The following MFHAS1 variants were observed in gnomAD, a reference collection of about 807,000 sequenced individuals.
The protein encoded by MFHAS1 is malignant fibrous histiocytoma-amplified sequence 1.
A neutral mutation model predicts 70.4 loss-of-function variants in MFHAS1; 50 were observed. The observed-to-expected ratio is 0.71, with a 90% CI of 0.57 to 0.90. The LOEUF is 0.90. MFHAS1 is among the 40% of genes least tolerant of loss of function. The pLI is 0.00. For missense variants in MFHAS1, 1,795 were observed against 1,347.6 expected (o/e 1.33, Z -5.20); for synonymous variants, 952 against 620.0 (o/e 1.54, Z -7.96).
At chr8:8,789,595 G>C (rs750105380) in intron 2 of MFHAS1, among the ~76,000 whole-genome samples, 1 of 152,132 alleles carries the variant, frequency 6.6e-6, no homozygotes, top group Non-Finnish European at 1.5e-5. Flanking sequence ...CTGAAGCCAT[G>C]GCATGTTGTA....
intron 1 of MFHAS1, among the ~76,000 whole-genome samples, chr8:8,837,164 C>G (rs1807627830): frequency 6.6e-6 from 1 of 152,174 alleles, no homozygotes; most frequent in South Asian, 2.1e-4. Flanking sequence ...GATGTTCATA[C>G]CACTGCAGTT....
chr8:8,868,477 T>A (rs752130543), intron 1 of MFHAS1, among the ~76,000 whole-genome samples: 2 of 151,412 alleles, frequency 1.3e-5, no homozygotes, highest in Non-Finnish European at 2.9e-5. Flanking sequence ...GCTAATACAC[T>A]GGAACCAGCC....
At chr8:8,875,983 AAG>A (rs1329802338) in intron 1 of MFHAS1, among the ~76,000 whole-genome samples, 1 of 152,188 alleles carries the variant, frequency 6.6e-6, no homozygotes, top group African/African-American at 2.4e-5. Flanking sequence ...CTATGAAGAA[AAG>A]AGTTTTGATC....
At chr8:8,802,937 C>T (rs531481716) in intron 1 of MFHAS1, among the ~76,000 whole-genome samples, 6 of 152,206 alleles carry the variant, frequency 3.9e-5, no homozygotes, top group Admixed American at 6.5e-5. Flanking sequence ...TTGCAAGAGA[C>T]TTACCCAAGG....
intron 1 of MFHAS1, among the ~76,000 whole-genome samples, chr8:8,882,158 A>G (rs1809550591): frequency 6.6e-6 from 1 of 152,204 alleles, no homozygotes; most frequent in Non-Finnish European, 1.5e-5. Context: ...AAGCGGGCAG[A>G]CCACCTGAGG....
chr8:8,839,940 G>C (rs1249562572), intron 1 of MFHAS1, among the ~76,000 whole-genome samples: 3 of 151,826 alleles, frequency 2.0e-5, no homozygotes, highest in African/African-American at 4.8e-5. Context: ...ACAATAATTG[G>C]AGGAAAAAGA....
At chr8:8,802,639 C>T (rs1158324071) in intron 1 of MFHAS1, among the ~76,000 whole-genome samples, 1 of 152,208 alleles carries the variant, frequency 6.6e-6, no homozygotes, top group East Asian at 1.9e-4. Flanking sequence ...GGGTATGGAG[C>T]AGCTCCTTGC....
chr8:8,835,664 C>T (rs555530244), intron 1 of MFHAS1, among the ~76,000 whole-genome samples: 1 of 152,314 alleles, frequency 6.6e-6, no homozygotes, highest in South Asian at 2.1e-4. Flanking sequence ...CCTCAGGATT[C>T]CTGCCACTGA....
chr8:8,827,193 A>T (rs770994905), intron 1 of MFHAS1, among the ~76,000 whole-genome samples: 15 of 152,244 alleles, frequency 9.9e-5, no homozygotes, highest in African/African-American at 3.4e-4. Context: ...GGACACCTAC[A>T]GATGGTCATA....
At chr8:8,821,580 G>A (rs932047840) in intron 1 of MFHAS1, among the ~76,000 whole-genome samples, 4 of 151,964 alleles carry the variant, frequency 2.6e-5, no homozygotes, top group African/African-American at 9.7e-5. Context: ...TTAAAAGGTG[G>A]GGGGTGCTTT....
At position 8,795,505 on chromosome 8, in the gene MFHAS1, T is replaced by C. The variant is rs1198081979; in HGVS notation, c.3125+1860A>G. Reference sequence around the variant, plus strand: ...GTGATAAATTAAACTATGCACATGATAGTTAAATAGTACTCTGAATACAAG... The same window carrying C: ...GTGATAAATTAAACTATGCACATGACAGTTAAATAGTACTCTGAATACAAG... On this transcript the variant is annotated intron_variant, in intron 2 of 2. Transcript: ENST00000276282. Among the ~76,000 whole-genome samples the C allele has an allele frequency of 2.0e-5, 3 of 152,256 alleles. No individual in the cohort carries two copies. The South Asian group carries it at 6.2e-4, about 32-fold the overall frequency.
At chr8:8,878,641 G>C (rs1004167063) in intron 1 of MFHAS1, among the ~76,000 whole-genome samples, 1 of 150,030 alleles carries the variant, frequency 6.7e-6, no homozygotes, top group East Asian at 2.0e-4. Flanking sequence ...TTTCCATTGC[G>C]TTTTTAAAAA....
At chr8:8,889,552 C>G (rs1209284919) in intron 1 of MFHAS1, among the ~76,000 whole-genome samples, 1 of 152,194 alleles carries the variant, frequency 6.6e-6, no homozygotes, top group Non-Finnish European at 1.5e-5. Context: ...GCATTGCATG[C>G]CTGTATCAAA....
intron 1 of MFHAS1, among the ~76,000 whole-genome samples, chr8:8,860,341 T>G (rs936433575): frequency 2.6e-5 from 4 of 152,110 alleles, no homozygotes; most frequent in African/African-American, 7.2e-5. Context: ...CATGTAAAAA[T>G]AACAACAACC....
chr8:8,873,370 A>T (rs1436280008), intron 1 of MFHAS1, among the ~76,000 whole-genome samples: 6 of 152,206 alleles, frequency 3.9e-5, no homozygotes, highest in African/African-American at 1.4e-4. Context: ...CTGTGAAAAA[A>T]ACTCCCAAGA....
intron 2 of MFHAS1, among the ~76,000 whole-genome samples, chr8:8,786,287 G>C (rs1032024685): frequency 2.6e-5 from 4 of 152,178 alleles, no homozygotes; most frequent in Admixed American, 6.5e-5. Flanking sequence ...GTTAAGCTCA[G>C]TTCAGCTATA....
At chr8:8,801,923 AAGACTTC>A (rs1232478541) in intron 1 of MFHAS1, among the ~76,000 whole-genome samples, 2 of 152,318 alleles carry the variant, frequency 1.3e-5, no homozygotes, top group African/African-American at 4.8e-5. Context: ...AGGACTGGGA[AAGACTTC>A]AGAGTGGGGA....
chr8:8,812,724 T>C (rs1210015061), intron 1 of MFHAS1, among the ~76,000 whole-genome samples: 1 of 152,196 alleles, frequency 6.6e-6, no homozygotes, highest in Non-Finnish European at 1.5e-5. Flanking sequence ...GGTTTTTTAG[T>C]GCTTGATACT....
At position 8,893,128 on chromosome 8, in the gene MFHAS1, GGCCCTCCGGCTCCTGCCCCTGCCT is replaced by G; in HGVS notation, c.-94_-71del. ...CAGCTACATGCCGCGCCGCGCCCCG[GGCCCTCCGGCTCCTGCCCCTGCCT>G]GCCCTCCCGCGCTCGGCGGCCGGCG... On this transcript the variant is annotated 5_prime_UTR_variant, in exon 1 of 3. Coordinates refer to ENST00000276282, the MANE Select transcript of MFHAS1 (RefSeq NM_004225.3). The G allele has an allele frequency of 8.5e-7, 1 of 1,180,274 alleles. No homozygotes were observed. Among genetic ancestry groups the G allele is most frequent in the East Asian group, 3.2e-5 (1 of 31,052 alleles). 73.1% of individuals were successfully genotyped at this position (1,180,274 alleles called of 1,614,324 possible).
Sources: gnomAD v4.1 joint callset for allele counts (sites outside exome capture counted in the v4.1 genomes callset) on GRCh38, gnomAD v4.1.1 for gene constraint, MANE v1.5 for transcripts, NCBI Gene and HGNC (gene_info 2026-07-23, HGNC 2026-07-21) for gene names.